The following PCDHGA8 variants were observed in gnomAD, a reference collection of about 807,000 sequenced individuals.
PCDHGA8 encodes the protein protocadherin gamma subfamily A, 8, also known as protocadherin gamma-A8.
PCDHGA8 carries 45 observed loss-of-function variants against 59.2 expected under a neutral mutation model. That is an observed-to-expected ratio of 0.76 (90% CI 0.60 to 0.98). The LOEUF is 0.98. Ranked by LOEUF, PCDHGA8 falls within the 50% of genes least tolerant of loss-of-function variation. The probability of loss-of-function intolerance (pLI) is 0.00; values close to 1 mark genes in which losing one functional copy is unlikely to be tolerated. For missense variants in PCDHGA8, 1,257 were observed against 1,196.2 expected, an observed-to-expected ratio of 1.05 and a Z score of -0.75; for synonymous variants, 531 against 519.0, an observed-to-expected ratio of 1.02 and a Z score of -0.32.
intron 1 of PCDHGA8, among the ~76,000 whole-genome samples, chr5:141,447,640 G>A (rs184184100): frequency 6.6e-6 from 1 of 152,198 alleles, no homozygotes; most frequent in Admixed American, 6.5e-5. Flanking sequence ...TATGAATGAT[G>A]GTAGAATTTT....
At chr5:141,495,710 G>C (rs2099763133) in intron 2 of PCDHGA8, among the ~76,000 whole-genome samples, 1 of 152,148 alleles carries the variant, frequency 6.6e-6, no homozygotes, top group Non-Finnish European at 1.5e-5. Flanking sequence ...TGTGGAGTGA[G>C]TAACTACACG....
chr5:141,393,503 G>C lies in PCDHGA8; in HGVS notation c.690G>C (p.Val230=), dbSNP rs2092782893. The C allele has an allele frequency of 6.2e-7, 1 of 1,614,028 alleles. No homozygotes were observed. The highest frequency in any genetic ancestry group is 8.5e-7 in the Non-Finnish European group (1 of 1,179,902). The change falls in exon 1 of 4, where the codon GTG becomes GTC. Residue 230 remains valine, a synonymous_variant. Transcript: ENST00000398604. ...PPRSSTVRIH[V]TVLDTNDNAP... Reference sequence around the variant, plus strand: ...GCTCTAGCACAGTGCGCATCCACGTGACAGTGTTGGATACAAATGACAATG... The same window carrying C: ...GCTCTAGCACAGTGCGCATCCACGTCACAGTGTTGGATACAAATGACAATG...
At chr5:141,412,204 T>G (rs2095542280) in intron 1 of PCDHGA8, 1 of 152,240 alleles carries the variant, frequency 6.6e-6, no homozygotes, top group Admixed American at 6.5e-5. Context: ...ACAGGTCATT[T>G]GACATAAACA....
chr5:141,495,221 G>A lies in PCDHGA8; in HGVS notation c.2483+356G>A, dbSNP rs376660961. On this transcript the variant is annotated intron_variant, in intron 2 of 3. Coordinates refer to ENST00000398604, the MANE Select transcript of PCDHGA8 (RefSeq NM_032088.2). ...ACTGCCTAACCCCCTCCCCTGAGTT[G>A]AGCTGGGCTCCATTATGACCTGGGG... Among the ~76,000 whole-genome samples, 26 of 152,300 alleles carry A rather than the reference G, an allele frequency of 1.7e-4. 1 individual carries two copies. The East Asian group carries it at 4.4e-3, about 26-fold the overall frequency.
intron 1 of PCDHGA8, among the ~76,000 whole-genome samples, chr5:141,460,981 G>A (rs35435563): frequency 1.6e-4 from 20 of 121,900 alleles, no homozygotes; most frequent in African/African-American, 3.7e-4. Context: ...GTGTGTGTGT[G>A]TGTATATATA....
chr5:141,422,228 T>C (rs1561800204), intron 1 of PCDHGA8: 1 of 1,565,566 alleles, frequency 6.4e-7, no homozygotes, highest in Non-Finnish European at 8.6e-7. Flanking sequence ...ACCACGACGA[T>C]GTTGATCACT....
intron 1 of PCDHGA8, chr5:141,427,900 C>T (rs1351712272): frequency 2.5e-6 from 4 of 1,571,732 alleles, no homozygotes; most frequent in Non-Finnish European, 3.5e-6. Flanking sequence ...GGCTCGCCCG[C>T]GCTCAGCGCC....
chr5:141,397,893 G>T (rs1442552386), intron 1 of PCDHGA8: 4 of 650,466 alleles, frequency 6.1e-6, no homozygotes, highest in African/African-American at 5.5e-5. Flanking sequence ...GTTGGCCAAA[G>T]TGCAGAGCTT....
rs751024373 is a variant in PCDHGA8, at chr5:141,491,801, G to A, written c.2425-3006G>A. On this transcript the variant is annotated intron_variant, in intron 1 of 3. Coordinates refer to ENST00000398604, the MANE Select transcript of PCDHGA8 (RefSeq NM_032088.2). The surrounding 1 kb of genome is among the most constrained non-coding windows in gnomAD (Gnocchi z 6.9). ...AACTTGCATCCACTCCTCTCCGGCC[G>A]GCTTGGTCGCTGGCTGCGCTCCACC... 2.7e-6 allele frequency: 4 copies of A among 1,500,726 alleles called. No homozygotes were observed. The Admixed American group carries it at 7.3e-5, about 28-fold the overall frequency. 93.0% of individuals were successfully genotyped at this position (1,500,726 alleles called of 1,614,324 possible). A position where few individuals can be genotyped will look rare whatever the true frequency, so the allele number is the denominator to read the frequency against.
intron 1 of PCDHGA8, among the ~76,000 whole-genome samples, chr5:141,439,495 C>A (rs142329128): frequency 6.6e-6 from 1 of 152,206 alleles, no homozygotes; most frequent in Non-Finnish European, 1.5e-5. Context: ...CAGTGAGAAA[C>A]GTCTTTCTCT....
intron 1 of PCDHGA8, chr5:141,399,501 C>T (rs941107702): frequency 5.6e-6 from 9 of 1,614,032 alleles, no homozygotes; most frequent in Non-Finnish European, 7.6e-6. Flanking sequence ...TCAGTGTACC[C>T]GAAAACAACC....
rs112808093 is a variant in PCDHGA8, at chr5:141,489,579, C to A, written c.2425-5228C>A. ...CAGTGCAGGTGGTGACTGAACACCC[C>A]CTGGAGCTAATCCGTGTAGAGGTAG... On this transcript the variant is annotated intron_variant, in intron 1 of 3. Coordinates refer to ENST00000398604, the MANE Select transcript of PCDHGA8 (RefSeq NM_032088.2). This position sits in a 1 kb window ranked among gnomAD's most constrained non-coding sequence, Gnocchi z 4.5. 1.2e-6 allele frequency: 2 copies of A among 1,613,922 alleles called. No individual in the cohort carries two copies. Among genetic ancestry groups the A allele is most frequent in the African/African-American group, 2.7e-5 (2 of 74,916 alleles).
chr5:141,438,450 A>G (rs1017249043), intron 1 of PCDHGA8, among the ~76,000 whole-genome samples: 32 of 151,738 alleles, frequency 2.1e-4, no homozygotes, highest in African/African-American at 7.5e-4. Flanking sequence ...ACTCAATACA[A>G]TGCTTGAGTT....
intron 1 of PCDHGA8, among the ~76,000 whole-genome samples, chr5:141,484,084 T>A (rs1030166144): frequency 3.3e-5 from 5 of 152,174 alleles, no homozygotes; most frequent in African/African-American, 4.8e-5. Flanking sequence ...TCTTTTGAAA[T>A]GGTCTTCGTT....
chr5:141,398,654 C>G, intron 1 of PCDHGA8: 1 of 1,613,998 alleles, frequency 6.2e-7, no homozygotes, highest in South Asian at 1.1e-5. Context: ...TCTCTTAACC[C>G]AAGTTTCTCA....
At position 141,431,896 on chromosome 5, in the gene PCDHGA8, C is replaced by A. The variant is rs1292629023; in HGVS notation, c.2424+36659C>A. The A allele has an allele frequency of 6.2e-7, 1 of 1,613,940 alleles. No homozygotes were observed. The highest frequency in any genetic ancestry group is 1.3e-5 in the African/African-American group (1 of 74,924). On this transcript the variant is annotated intron_variant, in intron 1 of 3. Coordinates refer to ENST00000398604, the MANE Select transcript of PCDHGA8 (RefSeq NM_032088.2). This position sits in a 1 kb window ranked among gnomAD's most constrained non-coding sequence, Gnocchi z 4.8. Reference sequence around the variant, plus strand: ...TAAATGACCAAGATTCTGAGGAAAACGGACAGGTGATCTGTTTCATCCAAG... The same window carrying A: ...TAAATGACCAAGATTCTGAGGAAAAAGGACAGGTGATCTGTTTCATCCAAG...
chr5:141,439,056 T>C (rs2098084461), intron 1 of PCDHGA8, among the ~76,000 whole-genome samples: 1 of 151,260 alleles, frequency 6.6e-6, no homozygotes, highest in Non-Finnish European at 1.5e-5. Flanking sequence ...TTCCATATTG[T>C]GTGGCAGGCG....
intron 1 of PCDHGA8, chr5:141,405,288 T>C: frequency 6.2e-7 from 1 of 1,614,110 alleles, no homozygotes; most frequent in African/African-American, 1.3e-5. Context: ...GCAGACACAC[T>C]CATCAGCCAG....
chr5:141,413,298 G>A (rs1672233901), intron 1 of PCDHGA8: 3 of 1,613,950 alleles, frequency 1.9e-6, no homozygotes, highest in Non-Finnish European at 2.5e-6. Context: ...CAATTCCTGA[G>A]GAATTAGAGA....
Sources: allele counts gnomAD v4.1 joint callset (sites outside exome capture counted in the v4.1 genomes callset), GRCh38; gene constraint gnomAD v4.1.1; non-coding constraint Gnocchi (gnomAD v3.1); transcripts MANE v1.5; gene names NCBI Gene and HGNC (gene_info 2026-07-23, HGNC 2026-07-21).